STK33: variants seen among roughly 807,000 people sequenced by gnomAD.
The protein encoded by STK33 is serine/threonine kinase 33, also known as serine/threonine-protein kinase 33.
STK33 carries 52 observed loss-of-function variants against 58.0 expected under a neutral mutation model. The observed-to-expected ratio is 0.90, with a 90% confidence interval of 0.72 to 1.13. The LOEUF is 1.13. STK33 is among the 50% of genes most tolerant of loss of function. The probability of loss-of-function intolerance (pLI) is 0.00; values close to 1 mark genes in which losing one functional copy is unlikely to be tolerated. For synonymous variants in STK33, 215 were observed against 200.1 expected (o/e 1.07, Z -0.63); for missense variants, 630 against 604.2 (o/e 1.04, Z -0.45).
At chr11:8,452,713 A>C (rs1304614225) in intron 11 of STK33, 109 bp downstream of exon 11, 1 of 892,026 alleles carries the variant, frequency 1.1e-6, no homozygotes, top group African/African-American at 1.6e-5. Flanking sequence ...GCTTGAGCCC[A>C]GGAGGTCAAG....
At chr11:8,453,767 G>T (rs1946548855) in intron 10 of STK33, among the ~76,000 whole-genome samples, 1 of 152,186 alleles carries the variant, frequency 6.6e-6, no homozygotes, top group Non-Finnish European at 1.5e-5. Context: ...GCCTTATGGA[G>T]TAAGAAAATG....
chr11:8,392,501 G>C lies in STK33; in HGVS notation c.*9C>G, dbSNP rs1450104220. 1 of 1,614,064 alleles carries C rather than the reference G, an allele frequency of 6.2e-7. No individual in the cohort carries two copies. The highest frequency in any genetic ancestry group is 8.5e-7 in the Non-Finnish European group (1 of 1,180,010). On this transcript the variant is annotated 3_prime_UTR_variant, in exon 16 of 16. Coordinates refer to ENST00000687296, the MANE Select transcript of STK33 (RefSeq NM_001352389.2). ...TTTGTTTTTGTACTGTCCAACACTG[G>C]AGGGAACCTTAGAGTTTCTTTTTGG...
chr11:8,476,186 C>T (rs921096527), intron 4 of STK33, among the ~76,000 whole-genome samples: 12 of 152,110 alleles, frequency 7.9e-5, no homozygotes, highest in Admixed American at 4.6e-4. Context: ...CCTACATTTC[C>T]GGGCTTCTCT....
At chr11:8,399,991 A>C (rs1346483161) in intron 15 of STK33, among the ~76,000 whole-genome samples, 1 of 152,134 alleles carries the variant, frequency 6.6e-6, no homozygotes, top group African/African-American at 2.4e-5. Context: ...CTTACCAACC[A>C]AAAAAAGTCC....
intron 1 of STK33, among the ~76,000 whole-genome samples, chr11:8,518,979 C>A (rs1433328738): frequency 5.9e-5 from 9 of 152,192 alleles, no homozygotes; most frequent in African/African-American, 1.7e-4. Flanking sequence ...CTCAGCTCTG[C>A]ACCAAGCGGA....
At position 8,473,093 on chromosome 11, in the gene STK33, T is replaced by C. The variant is rs11041942; in HGVS notation, c.339+70A>G. ...TCCTTAGAGATTTATTTTTCAATCATTTTTCCTATTAACCATTGACTTAGA... is the reference window on the plus strand; with the variant it reads ...TCCTTAGAGATTTATTTTTCAATCACTTTTCCTATTAACCATTGACTTAGA... On this transcript the variant is annotated intron_variant, in intron 6 of 15. Transcript: ENST00000687296. The C allele has an allele frequency of 0.04, 36,509 of 904,268 alleles. 2,454 individuals are homozygous for C. Among genetic ancestry groups the C allele is most frequent in the African/African-American group, 0.27 (15,724 of 58,746 alleles). 56.0% of individuals were successfully genotyped at this position (904,268 alleles called of 1,614,324 possible). A position where few individuals can be genotyped will look rare whatever the true frequency, so the allele number is the denominator to read the frequency against.
chr11:8,393,376 T>C (rs1848836383), intron 15 of STK33, among the ~76,000 whole-genome samples: 1 of 152,212 alleles, frequency 6.6e-6, no homozygotes, highest in South Asian at 2.1e-4. Flanking sequence ...TAACAGGCAA[T>C]TGTATTTTCT....
At chr11:8,546,722 AT>A (rs1955946297) in intron 1 of STK33, among the ~76,000 whole-genome samples, 1 of 152,122 alleles carries the variant, frequency 6.6e-6, no homozygotes, top group Non-Finnish European at 1.5e-5. Context: ...ATTTAAGATA[AT>A]GACCTCCAGT....
chr11:8,582,616 C>A (rs1029960986), intron 1 of STK33, among the ~76,000 whole-genome samples: 1 of 152,154 alleles, frequency 6.6e-6, no homozygotes. Flanking sequence ...CCTGGTCTCT[C>A]CCTTGATACG....
At chr11:8,536,633 A>C (rs914302544) in intron 1 of STK33, among the ~76,000 whole-genome samples, 1 of 152,214 alleles carries the variant, frequency 6.6e-6, no homozygotes, top group African/African-American at 2.4e-5. Context: ...GAATTTAGTC[A>C]AGTCTGAACC....
intron 1 of STK33, among the ~76,000 whole-genome samples, chr11:8,572,078 T>A (rs989610181): frequency 2.0e-5 from 3 of 150,434 alleles, no homozygotes; most frequent in Non-Finnish European, 4.4e-5. Context: ...AAATTAATTT[T>A]AAAAAAACTA....
intron 9 of STK33, 45 bp from the exon 10 acceptor site, chr11:8,454,877 A>G: frequency 1.4e-6 from 2 of 1,475,372 alleles, no homozygotes; most frequent in Non-Finnish European, 1.8e-6. Flanking sequence ...GAATAATGGA[A>G]AAATAGGAGA....
chr11:8,576,969 T>A (rs921894594), intron 1 of STK33, among the ~76,000 whole-genome samples: 9 of 152,306 alleles, frequency 5.9e-5, no homozygotes, highest in African/African-American at 2.2e-4. Flanking sequence ...ATACAATAAA[T>A]AAATTATATG....
At chr11:8,382,429 T>C in the STK33 span, among the ~76,000 whole-genome samples, 1 of 152,206 alleles carries the variant, frequency 6.6e-6, no homozygotes, top group Non-Finnish European at 1.5e-5. Context: ...GACAAGGACA[T>C]GTGTGAACAC....
In STK33 at chr11:8,521,750, T is replaced by G. The variant is rs1953463346; in HGVS notation, c.-465-41136A>C. Among the ~76,000 whole-genome samples, 3 of 151,906 alleles carry G rather than the reference T, an allele frequency of 2.0e-5. No individual in the cohort carries two copies. The South Asian group carries it at 6.2e-4, about 32-fold the overall frequency. On this transcript the variant is annotated intron_variant, in intron 1 of 15. Coordinates refer to ENST00000687296, the MANE Select transcript of STK33 (RefSeq NM_001352389.2). ...CATCTGAAAGGGCTAATATCCAGAATCTACAAAGAACTTAAACAAATTTAC... is the reference window on the plus strand; with the variant it reads ...CATCTGAAAGGGCTAATATCCAGAAGCTACAAAGAACTTAAACAAATTTAC...
intron 14 of STK33, among the ~76,000 whole-genome samples, chr11:8,431,132 T>A (rs1307975333): frequency 6.6e-6 from 1 of 152,186 alleles, no homozygotes; most frequent in East Asian, 1.9e-4. Flanking sequence ...CCCAAAGTGC[T>A]GGGATTACAA....
intron 1 of STK33, among the ~76,000 whole-genome samples, chr11:8,546,062 T>C (rs1444550668): frequency 6.6e-6 from 1 of 152,188 alleles, no homozygotes; most frequent in Non-Finnish European, 1.5e-5. Flanking sequence ...AGAAAAGGTA[T>C]AGTAAAAACA....
intron 1 of STK33, among the ~76,000 whole-genome samples, chr11:8,546,402 C>T (rs1287323264): frequency 6.6e-6 from 1 of 152,114 alleles, no homozygotes; most frequent in Non-Finnish European, 1.5e-5. Flanking sequence ...GGTAATTAGG[C>T]TATCCATTAC....
chr11:8,466,563 T>C (rs1948209288), intron 6 of STK33: 1 of 152,346 alleles, frequency 6.6e-6, no homozygotes, highest in Non-Finnish European at 1.5e-5. Flanking sequence ...CTTTGCAAGG[T>C]ACAGCCTCCC....
Sources: allele counts gnomAD v4.1 joint callset (sites outside exome capture counted in the v4.1 genomes callset), GRCh38; gene constraint gnomAD v4.1.1; transcripts MANE v1.5; gene names NCBI Gene and HGNC (gene_info 2026-07-23, HGNC 2026-07-21).